PPARGC1A: variants seen among roughly 807,000 people sequenced by gnomAD.
PPARGC1A encodes the protein peroxisome proliferator-activated receptor gamma coactivator 1-alpha.
PPARGC1A carries 25 observed loss-of-function variants against 88.7 expected under a neutral mutation model. The observed-to-expected ratio is 0.28, with a 90% CI of 0.21 to 0.39. The LOEUF (loss-of-function observed/expected upper bound fraction) is 0.39, where lower values mean the gene tolerates loss of function less well. PPARGC1A is among the 10% of genes least tolerant of loss of function. The pLI is 1.00. For missense variants in PPARGC1A, 880 were observed against 968.7 expected (o/e 0.91, Z 1.22); for synonymous variants, 363 against 355.6 (o/e 1.02, Z -0.24).
At chr4:24,165,605 CTG>C in the PPARGC1A span, among the ~76,000 whole-genome samples, 3 of 152,168 alleles carry the variant, frequency 2.0e-5, no homozygotes, top group Non-Finnish European at 4.4e-5. Context: ...TTTCATGTCT[CTG>C]TATCACATTT....
At chr4:23,946,337 C>T in the PPARGC1A span, among the ~76,000 whole-genome samples, 1 of 152,084 alleles carries the variant, frequency 6.6e-6, no homozygotes, top group African/African-American at 2.4e-5. Flanking sequence ...GAGAGAGAGC[C>T]TCAAATGAAA....
chr4:24,387,766 G>GAGAAAGAAAGAAAGAAAGAA, the PPARGC1A span, among the ~76,000 whole-genome samples: 2 of 52,080 alleles, frequency 3.8e-5, no homozygotes, highest in African/African-American at 8.6e-5. Flanking sequence ...GAGAGAGAGA[G>GAGAAAGAAAGAAAGAAAGAA]AGAAAGAAAG....
intron 2 of PPARGC1A, among the ~76,000 whole-genome samples, chr4:23,839,185 T>C (rs1726589849): frequency 6.6e-6 from 1 of 152,174 alleles, no homozygotes; most frequent in East Asian, 1.9e-4. Flanking sequence ...CACACATTCA[T>C]GAGTTAATAA....
the PPARGC1A span, among the ~76,000 whole-genome samples, chr4:24,265,492 G>A: frequency 6.6e-6 from 1 of 152,146 alleles, no homozygotes; most frequent in African/African-American, 2.4e-5. Context: ...CACAGGGGAA[G>A]GCTTCTGCTT....
At chr4:24,321,731 T>C in the PPARGC1A span, among the ~76,000 whole-genome samples, 1 of 152,228 alleles carries the variant, frequency 6.6e-6, no homozygotes, top group African/African-American at 2.4e-5. Flanking sequence ...ATGATGGACG[T>C]TGGTTGCTAT....
the PPARGC1A span, among the ~76,000 whole-genome samples, chr4:24,342,712 T>A: frequency 1.3e-5 from 2 of 152,198 alleles, no homozygotes; most frequent in Admixed American, 1.3e-4. Context: ...TACTTTCTTT[T>A]AATTAAACTA....
chr4:23,942,237 C>G, the PPARGC1A span, among the ~76,000 whole-genome samples: 1 of 152,140 alleles, frequency 6.6e-6, no homozygotes, highest in Admixed American at 6.5e-5. Flanking sequence ...GAGTAATACA[C>G]AGGAACCCAT....
At chr4:24,022,070 G>A in the PPARGC1A span, among the ~76,000 whole-genome samples, 2 of 152,160 alleles carry the variant, frequency 1.3e-5, no homozygotes, top group African/African-American at 4.8e-5. Flanking sequence ...GAAGGTACCT[G>A]GCTGAGGGGC....
At chr4:23,838,247 G>A (rs1311522365) in intron 2 of PPARGC1A, among the ~76,000 whole-genome samples, 1 of 151,978 alleles carries the variant, frequency 6.6e-6, no homozygotes, top group East Asian at 1.9e-4. Context: ...GCAATCCACT[G>A]TGGGTTTTGT....
chr4:23,945,690 G>A, the PPARGC1A span, among the ~76,000 whole-genome samples: 1 of 152,196 alleles, frequency 6.6e-6, no homozygotes, highest in African/African-American at 2.4e-5. Flanking sequence ...GGCAGATAGT[G>A]TGATAGGCAC....
the PPARGC1A span, among the ~76,000 whole-genome samples, chr4:24,243,480 C>T: frequency 2.6e-5 from 4 of 152,214 alleles, no homozygotes; most frequent in Non-Finnish European, 4.4e-5. Flanking sequence ...CCTACCCTCG[C>T]GTGCTGTGGT....
the PPARGC1A span, among the ~76,000 whole-genome samples, chr4:24,296,079 TAC>T: frequency 2.0e-5 from 3 of 151,146 alleles, no homozygotes; most frequent in Admixed American, 2.0e-4. Context: ...TGTATATATG[TAC>T]ATATATACAC....
the PPARGC1A span, among the ~76,000 whole-genome samples, chr4:24,206,106 T>C: frequency 6.6e-6 from 1 of 152,216 alleles, no homozygotes; most frequent in East Asian, 1.9e-4. Flanking sequence ...CACCTGGGTC[T>C]TTTATGCCTG....
chr4:24,001,503 A>G, the PPARGC1A span, among the ~76,000 whole-genome samples: 1 of 152,160 alleles, frequency 6.6e-6, no homozygotes, highest in Non-Finnish European at 1.5e-5. Context: ...GTGTAAAAAC[A>G]TAGCAACAAT....
the PPARGC1A span, among the ~76,000 whole-genome samples, chr4:24,215,324 G>T: frequency 6.6e-6 from 1 of 152,212 alleles, no homozygotes; most frequent in East Asian, 1.9e-4. Context: ...GGGATATGTA[G>T]TATGCTTTAT....
the PPARGC1A span, among the ~76,000 whole-genome samples, chr4:24,298,217 T>G: frequency 6.7e-6 from 1 of 149,148 alleles, no homozygotes; most frequent in African/African-American, 2.5e-5. Flanking sequence ...GAAAAGGAGG[T>G]AGATGCTTAG....
chr4:23,956,674 C>A, the PPARGC1A span, among the ~76,000 whole-genome samples: 3 of 152,048 alleles, frequency 2.0e-5, no homozygotes, highest in Admixed American at 1.3e-4. Context: ...TATTTAATGA[C>A]CTAAGAGTTC....
the PPARGC1A span, among the ~76,000 whole-genome samples, chr4:24,149,882 T>C: frequency 6.6e-6 from 1 of 152,202 alleles, no homozygotes; most frequent in Non-Finnish European, 1.5e-5. Context: ...TTTTCATTGA[T>C]TTACAGCAAA....
chr4:23,879,339 C>T (rs903011893), intron 2 of PPARGC1A, among the ~76,000 whole-genome samples: 1 of 152,156 alleles, frequency 6.6e-6, no homozygotes, highest in African/African-American at 2.4e-5. Context: ...TGAAAAAAAG[C>T]AGACACCACG....
Sources: allele counts gnomAD v4.1 joint callset (sites outside exome capture counted in the v4.1 genomes callset), GRCh38; gene constraint gnomAD v4.1.1; transcripts MANE v1.5; gene names NCBI Gene and HGNC (gene_info 2026-07-23, HGNC 2026-07-21).